Variants in OTUD5 observed in about 807,000 individuals in gnomAD.
The protein encoded by OTUD5 is OTU deubiquitinase 5.
In OTUD5, 2 loss-of-function variants were observed where a neutral mutation model predicts 36.3. The ratio of observed to expected loss-of-function variants is 0.06; its 90% CI spans 0.02 to 0.17. The LOEUF is 0.17. Among genes scored for constraint, OTUD5 ranks in the 10% least tolerant of loss-of-function variants. OTUD5 has a pLI of 1.00. For missense variants in OTUD5, 233 were observed against 512.3 expected (o/e 0.45, Z 5.26); for synonymous variants, 234 against 214.9 (o/e 1.09, Z -0.78).
chrX:48,957,958 C>A (rs1739044322), upstream of OTUD5: 2 of 373,853 alleles, frequency 5.3e-6, no homozygotes, highest in South Asian at 2.6e-4. Context: ...CGGGTGGGGC[C>A]CCGGGGCGCT....
intron 5 of OTUD5, among the ~76,000 whole-genome samples, chrX:48,929,981 G>A (rs1452747546): frequency 9.1e-6 from 1 of 109,349 alleles, no homozygotes; most frequent in Admixed American, 9.8e-5. Flanking sequence ...GCAGGCACCT[G>A]TAGTACCAGC....
intron 1 of OTUD5, among the ~76,000 whole-genome samples, chrX:48,948,728 G>GGTGGGGGGTAGGGGATAGCTCAGCC: frequency 9.0e-6 from 1 of 110,688 alleles, no homozygotes; most frequent in African/African-American, 3.3e-5. Flanking sequence ...GGCTAGTAGG[G>GGTGGGGGGTAGGGGATAGCTCAGCC]GTGGGGGGTA....
chrX:48,938,692 C>T (rs1557050438), intron 2 of OTUD5, among the ~76,000 whole-genome samples: 1 of 106,468 alleles, frequency 9.4e-6, no homozygotes, highest in East Asian at 2.9e-4. Flanking sequence ...GAAACTCTGT[C>T]TCAAAAAAAA....
At chrX:48,953,736 C>A (rs1557054419) in intron 1 of OTUD5, among the ~76,000 whole-genome samples, 1 of 111,270 alleles carries the variant, frequency 9.0e-6, no homozygotes, top group Non-Finnish European at 1.9e-5. Flanking sequence ...GCCTGGGAAC[C>A]CCTGACATCA....
intron 2 of OTUD5, 104 bp downstream of exon 2, chrX:48,944,086 G>T: frequency 1.8e-6 from 1 of 549,612 alleles, no homozygotes; most frequent in East Asian, 3.6e-5. Context: ...GTCCCTAAAA[G>T]ATTAGCTAGC....
rs782454695 is a variant in OTUD5 at position 48,932,110 on chromosome X, T to C, written c.1059+2354A>G. 3.0e-4 allele frequency among the ~76,000 whole-genome samples: 31 copies of C among 103,626 alleles called. No homozygotes were observed. In the South Asian group the frequency reaches 3.6e-3, roughly 12 times the overall value. The allele number at this position is 103,626 out of a possible 115,157, so 90.0% of individuals were successfully genotyped here. ...GTTGCAGTGAGCCAAGATTGCGCCA[T>C]TGCACTCCAGCCTGGGTGATGAGAG... is the stretch of plus-strand genomic sequence containing the variant. On this transcript the variant is annotated intron_variant, in intron 5 of 8. Transcript: ENST00000376488.
At position 48,924,014 on chromosome X, in the gene OTUD5, T is replaced by C; in HGVS notation, c.1302A>G (p.Ala434=). 1 of 1,208,257 alleles carries C rather than the reference T, an allele frequency of 8.3e-7. No individual in the cohort carries two copies. Among genetic ancestry groups the C allele is most frequent in the Non-Finnish European group, 1.1e-6 (1 of 893,678 alleles). ...KASATCSSAT[A]AASSGLEEWT... ...ACTCCTCCAGGCCACTGGAGGCTGC[T>C]GCTGTGGCCGAACTGCATGTGGCGC... The change falls in exon 7 of 9, where the codon GCA becomes GCG. Residue 434 remains alanine (A), a synonymous_variant. Transcript: ENST00000376488.
chrX:48,949,165 G>T (rs2064085945), intron 1 of OTUD5, among the ~76,000 whole-genome samples: 1 of 111,658 alleles, frequency 9.0e-6, no homozygotes, highest in East Asian at 2.8e-4. Flanking sequence ...TCCCCAGGAG[G>T]GAAAAAAGCC....
At chrX:48,942,280 C>CACACACACACACACAG (rs1475092896) in intron 2 of OTUD5, among the ~76,000 whole-genome samples, 4 of 91,131 alleles carry the variant, frequency 4.4e-5, no homozygotes, top group African/African-American at 1.8e-4. Context: ...CACACACACA[C>CACACACACACACACAG]AGAGAACAGC....
At position 48,957,347 on chromosome X, in the gene OTUD5, G is replaced by T; in HGVS notation, c.224C>A (p.Pro75Gln). 1 of 1,130,537 alleles carries T rather than the reference G, an allele frequency of 8.8e-7. No individual in the cohort carries two copies. The highest frequency in any genetic ancestry group is 1.9e-5 in the African/African-American group (1 of 53,589). 93.2% of individuals were successfully genotyped at this position (1,130,537 alleles called of 1,213,427 possible). The change falls in exon 1 of 9, where the codon CCG (proline) becomes CAG (glutamine). Residue 75 changes from proline to glutamine, a missense_variant. Pro to Gln is a moderately conservative substitution (Grantham distance 76). Coordinates refer to ENST00000376488, the MANE Select transcript of OTUD5 (RefSeq NM_001136157.2). Reference sequence around the variant, plus strand: ...CAGCGCCCAGCGATGAAGAGCGCCCGGCGGTCCTGGTAGCGGGCCTTGAGG... The same window carrying T: ...CAGCGCCCAGCGATGAAGAGCGCCCTGCGGTCCTGGTAGCGGGCCTTGAGG... Reference protein sequence around the residue: ...PPPQGPLPGPPGALHRWALAV... With the variant: ...PPPQGPLPGPQGALHRWALAV...
At chrX:48,953,909 C>T (rs782796330) in intron 1 of OTUD5, among the ~76,000 whole-genome samples, 81 of 110,843 alleles carry the variant, frequency 7.3e-4, no homozygotes, top group Non-Finnish European at 1.3e-3. Context: ...ATCCAACTGA[C>T]CTCCAGGCTA....
chrX:48,922,912 T>C lies in OTUD5; in HGVS notation c.*262A>G. On this transcript the variant is annotated 3_prime_UTR_variant, in exon 9 of 9. Transcript: ENST00000376488. ...CTTCGGCACCCTTGCCCGAGTCCCC[T>C]GTGGAATGCAGGGATGGTTCTGTGC... 3.0e-6 allele frequency: 3 copies of C among 989,340 alleles called. No individual in the cohort carries two copies. Among genetic ancestry groups the C allele is most frequent in the Non-Finnish European group, 3.8e-6 (3 of 781,962 alleles). The allele number at this position is 989,340 out of a possible 1,213,427, so 81.5% of individuals were successfully genotyped here.
At chrX:48,953,977 T>C (rs1331746069) in intron 1 of OTUD5, among the ~76,000 whole-genome samples, 1 of 110,829 alleles carries the variant, frequency 9.0e-6, no homozygotes, top group Admixed American at 9.6e-5. Context: ...GAATCTTCCC[T>C]CTTCTCATCC....
chrX:48,944,594 G>A (rs1458943800), intron 1 of OTUD5, among the ~76,000 whole-genome samples: 1 of 112,489 alleles, frequency 8.9e-6, no homozygotes, highest in East Asian at 2.8e-4. Flanking sequence ...CAGGCAGCCA[G>A]AGACTCAGAC....
At chrX:48,957,750 GGTGGCGGCGC>G (rs2064282714), upstream of OTUD5, 1 of 788,708 alleles carries the variant, frequency 1.3e-6, no homozygotes, top group African/African-American at 2.4e-5. Flanking sequence ...CGGCGGCGGC[GGTGGCGGCGC>G]GCGGGTCACG....
In OTUD5 at chrX:48,941,081, A is replaced by G. The variant is rs1465110195; in HGVS notation, c.688+3109T>C. The stretch of plus-strand genomic sequence containing the variant: ...CCAGAGAAGTCAAGGAACACAGCCA[A>G]GGTCATCCAGCCAGTTGACAACCAA... On this transcript the variant is annotated intron_variant, in intron 2 of 8. Coordinates refer to ENST00000376488, the MANE Select transcript of OTUD5 (RefSeq NM_001136157.2). Among the ~76,000 whole-genome samples, 3 of 111,469 alleles carry G rather than the reference A, an allele frequency of 2.7e-5. No individual in the cohort carries two copies. In the Admixed American group the frequency reaches 2.9e-4, roughly 11 times the overall value.
Position 48,957,604 on chromosome X carries a change from G to A in OTUD5, c.-34C>T, listed in dbSNP as rs2064275412. ...TGCCGAGTACCCCCCAACAAACCCG[G>A]CGCGGGGCACGCCGGGAGAGAACCC... is the stretch of plus-strand genomic sequence containing the variant. On this transcript the variant is annotated 5_prime_UTR_variant, in exon 1 of 9. Transcript: ENST00000376488. 2.4e-6 allele frequency: 2 copies of A among 818,027 alleles called. No individual in the cohort carries two copies. The highest frequency in any genetic ancestry group is 1.5e-6 in the Non-Finnish European group (1 of 673,115). 67.4% of individuals were successfully genotyped at this position (818,027 alleles called of 1,213,427 possible). A position where few individuals can be genotyped will look rare whatever the true frequency, so the allele number is the denominator to read the frequency against.
In OTUD5 at chrX:48,923,956, C is replaced by T. The variant is rs781924014; in HGVS notation, c.1360G>A (p.Ala454Thr). ...AGCTCAGGGTGCTCAGGTGACGAGG[C>T]TGAACTCCGCTGCCGCGGGGACCGG... The part of the protein sequence containing the change: ...TSRSPRQRSS[A>T]SSPEHPELHA... Residue 454 changes from alanine (A) to threonine (T), a missense_variant, in exon 7 of 9, where the codon GCC (alanine) becomes ACC (threonine). By Grantham distance (58) the Ala-to-Thr change is moderately conservative. Coordinates refer to ENST00000376488, the MANE Select transcript of OTUD5 (RefSeq NM_001136157.2). The T allele has an allele frequency of 1.7e-6, 2 of 1,210,500 alleles. No individual in the cohort carries two copies. Among genetic ancestry groups the T allele is most frequent in the Admixed American group, 4.3e-5 (2 of 45,979 alleles).
At chrX:48,950,725 A>T (rs2064125140) in intron 1 of OTUD5, among the ~76,000 whole-genome samples, 1 of 107,342 alleles carries the variant, frequency 9.3e-6, no homozygotes, top group Admixed American at 1.0e-4. Context: ...CACCACACCC[A>T]GCTAATTTTT....
Sources: allele counts gnomAD v4.1 joint callset (sites outside exome capture counted in the v4.1 genomes callset), GRCh38; gene constraint gnomAD v4.1.1; transcripts MANE v1.5; gene names NCBI Gene and HGNC (gene_info 2026-07-23, HGNC 2026-07-21).